C4orf51: variants seen among roughly 807,000 people sequenced by gnomAD.
C4orf51 encodes uncharacterized protein C4orf51.
A neutral mutation model predicts 25.2 loss-of-function variants in C4orf51; 25 were observed. That is an observed-to-expected ratio of 0.99 (90% CI 0.72 to 1.39). C4orf51 has a LOEUF of 1.39. Ranked by LOEUF, C4orf51 falls within the 40% of genes most tolerant of loss-of-function variation. C4orf51 has a pLI of 0.00. For synonymous variants in C4orf51, 100 were observed against 84.5 expected (o/e 1.18, Z -1.01); for missense variants, 252 against 239.6 (o/e 1.05, Z -0.34).
downstream of C4orf51, among the ~76,000 whole-genome samples, chr4:145,754,632 A>C (rs897359475): frequency 3.9e-5 from 6 of 152,212 alleles, no homozygotes; most frequent in African/African-American, 1.4e-4. Flanking sequence ...AGTTAGCTCT[A>C]ACCAGACAAG....
the C4orf51 span, among the ~76,000 whole-genome samples, chr4:145,791,665 G>A: frequency 2.0e-5 from 3 of 152,016 alleles, no homozygotes; most frequent in Admixed American, 2.0e-4. Context: ...GAAAACTTTG[G>A]ATTTAGGTAT....
At chr4:145,698,191 A>C (rs891266570) in intron 2 of C4orf51, among the ~76,000 whole-genome samples, 1 of 152,186 alleles carries the variant, frequency 6.6e-6, no homozygotes, top group African/African-American at 2.4e-5. Context: ...ATTTAGTTAT[A>C]TGGGTTTGTA....
At chr4:145,791,366 T>G in the C4orf51 span, among the ~76,000 whole-genome samples, 1 of 152,184 alleles carries the variant, frequency 6.6e-6, no homozygotes, top group Non-Finnish European at 1.5e-5. Context: ...AAAGGCTCCA[T>G]CTTCTACATA....
chr4:145,765,820 C>T lies in C4orf51; in HGVS notation n.167-5168C>T. ...AGCAACTGAGGGTGACGAGTTGAGT[C>T]TCATGGATGCATCATCATTCTGGGG... On this transcript the variant is annotated intron_variant and non_coding_transcript_variant, in intron 1 of 1. Transcript: ENST00000510096. This position sits in a 1 kb window ranked among gnomAD's most constrained non-coding sequence, Gnocchi z 4.7. The T allele has an allele frequency of 7.2e-7, 1 of 1,381,578 alleles. No individual in the cohort carries two copies. The highest frequency in any genetic ancestry group is 1.4e-5 in the South Asian group (1 of 72,852). The allele number at this position is 1,381,578 out of a possible 1,614,324, so 85.6% of individuals were successfully genotyped here.
chr4:145,691,598 A>T (rs1024491297), intron 1 of C4orf51, among the ~76,000 whole-genome samples: 1 of 152,358 alleles, frequency 6.6e-6, no homozygotes, highest in Admixed American at 6.5e-5. Context: ...TACACCATGG[A>T]ATACTACACA....
At chr4:145,742,971 G>T (rs1246228237) in intron 1 of C4orf51, among the ~76,000 whole-genome samples, 1 of 152,178 alleles carries the variant, frequency 6.6e-6, no homozygotes, top group Non-Finnish European at 1.5e-5. Context: ...AATAAACAGA[G>T]CTCTTTGATG....
At chr4:145,725,131 C>G (rs1578994306) in intron 2 of C4orf51, among the ~76,000 whole-genome samples, 1 of 151,550 alleles carries the variant, frequency 6.6e-6, no homozygotes, top group Admixed American at 6.6e-5. Context: ...ATCACCACTA[C>G]AGAACTTACT....
chr4:145,763,176 G>A lies in C4orf51; in HGVS notation n.167-7812G>A. On this transcript the variant is annotated intron_variant and non_coding_transcript_variant, in intron 1 of 1. Transcript: ENST00000510096. The surrounding 1 kb of genome is among the most constrained non-coding windows in gnomAD (Gnocchi z 4.6). Reference sequence around the variant, plus strand: ...TCTTATTTGATCTGCATTATGAACAGGATATAGAGTACAAGCAGTTCCATC... The same window carrying A: ...TCTTATTTGATCTGCATTATGAACAAGATATAGAGTACAAGCAGTTCCATC... 6.6e-7 allele frequency: 1 copy of A among 1,512,886 alleles called. No individual in the cohort carries two copies. The highest frequency in any genetic ancestry group is 8.9e-7 in the Non-Finnish European group (1 of 1,127,824). The allele number at this position is 1,512,886 out of a possible 1,614,324, so 93.7% of individuals were successfully genotyped here.
At chr4:145,717,265 C>T (rs1014445995) in intron 2 of C4orf51, among the ~76,000 whole-genome samples, 2 of 152,158 alleles carry the variant, frequency 1.3e-5, no homozygotes, top group Non-Finnish European at 2.9e-5. Flanking sequence ...TTCCTATCTC[C>T]TCTCCAGTTA....
intron 3 of C4orf51, 99 bp downstream of exon 3, chr4:145,727,068 T>TA: frequency 4.5e-6 from 4 of 898,536 alleles, no homozygotes; most frequent in South Asian, 3.3e-5. Context: ...GTTAAATTTT[T>TA]AAAAAACAAT....
chr4:145,765,065 C>T lies in C4orf51; in HGVS notation n.167-5923C>T, dbSNP rs1326198067. ...CGGGGGTCTTCATGAACTTGTGGCACACATCACACTCAAACATCCGGGTGA... is the reference window on the plus strand; with the variant it reads ...CGGGGGTCTTCATGAACTTGTGGCATACATCACACTCAAACATCCGGGTGA... On this transcript the variant is annotated intron_variant and non_coding_transcript_variant, in intron 1 of 1. Transcript: ENST00000510096. This position sits in a 1 kb window ranked among gnomAD's most constrained non-coding sequence, Gnocchi z 4.7. 1 of 1,614,120 alleles carries T rather than the reference C, an allele frequency of 6.2e-7. No homozygotes were observed. Among genetic ancestry groups the T allele is most frequent in the Non-Finnish European group, 8.5e-7 (1 of 1,180,054 alleles).
chr4:145,694,578 G>GC (rs577257398), intron 1 of C4orf51, among the ~76,000 whole-genome samples: 4 of 40 alleles, frequency 0.1, 2 homozygotes, highest in African/African-American at 0.17. Flanking sequence ...CCGGCCAGCC[G>GC]CCCGTCCGGG....
the C4orf51 span, chr4:145,776,035 T>C: frequency 5.8e-6 from 9 of 1,543,582 alleles, no homozygotes; most frequent in Non-Finnish European, 8.0e-6. Flanking sequence ...AAGAATCAGT[T>C]AAAGGTATCA....
intron 2 of C4orf51, among the ~76,000 whole-genome samples, chr4:145,708,448 A>C (rs932956304): frequency 7.9e-5 from 12 of 152,196 alleles, no homozygotes; most frequent in African/African-American, 2.9e-4. Context: ...TGAAGAGAGG[A>C]CAGAGGAGAA....
At chr4:145,705,293 C>T (rs888744074) in intron 2 of C4orf51, among the ~76,000 whole-genome samples, 2 of 152,216 alleles carry the variant, frequency 1.3e-5, no homozygotes, top group Non-Finnish European at 2.9e-5. Context: ...TATTGGGAGA[C>T]TGCCTTTCCC....
At chr4:145,773,045 G>A (rs1382153342), downstream of C4orf51, among the ~76,000 whole-genome samples, 2 of 152,124 alleles carry the variant, frequency 1.3e-5, no homozygotes, top group African/African-American at 4.8e-5. Flanking sequence ...AGGGAGGAAG[G>A]TTTTCAACTG....
chr4:145,765,838 T>C lies in C4orf51; in HGVS notation n.167-5150T>C, dbSNP rs1305492424. 3.2e-6 allele frequency: 4 copies of C among 1,234,942 alleles called. No homozygotes were observed. Among genetic ancestry groups the C allele is most frequent in the Non-Finnish European group, 4.5e-6 (4 of 893,694 alleles). 76.5% of individuals were successfully genotyped at this position (1,234,942 alleles called of 1,614,324 possible). On this transcript the variant is annotated intron_variant and non_coding_transcript_variant, in intron 1 of 1. Coordinates refer to the C4orf51 transcript ENST00000510096. This position sits in a 1 kb window ranked among gnomAD's most constrained non-coding sequence, Gnocchi z 4.7. Reference sequence around the variant, plus strand: ...GTTGAGTCTCATGGATGCATCATCATTCTGGGGGCACAGGCTCATGTCCCC... The same window carrying C: ...GTTGAGTCTCATGGATGCATCATCACTCTGGGGGCACAGGCTCATGTCCCC...
At chr4:145,737,755 C>G (rs892229195), downstream of C4orf51, among the ~76,000 whole-genome samples, 1 of 152,220 alleles carries the variant, frequency 6.6e-6, no homozygotes. Flanking sequence ...TTTGATCTGA[C>G]TCTCACTCCT....
chr4:145,782,895 C>T, the C4orf51 span, among the ~76,000 whole-genome samples: 1 of 152,174 alleles, frequency 6.6e-6, no homozygotes, highest in Non-Finnish European at 1.5e-5. Flanking sequence ...TACTTCTGTA[C>T]AATAAACTCA....
Sources: gnomAD v4.1 joint callset for allele counts (sites outside exome capture counted in the v4.1 genomes callset) on GRCh38, gnomAD v4.1.1 for gene constraint, Gnocchi (gnomAD v3.1) non-coding constraint, MANE v1.5 for transcripts, NCBI Gene and HGNC (gene_info 2026-07-23, HGNC 2026-07-21) for gene names.